Variants in DCLK2 observed in about 807,000 individuals in gnomAD.
DCLK2 encodes serine/threonine-protein kinase DCLK2.
DCLK2 carries 31 observed loss-of-function variants against 78.4 expected under a neutral mutation model. That is an observed-to-expected ratio of 0.40 (90% confidence interval 0.30 to 0.53). The LOEUF (loss-of-function observed/expected upper bound fraction) is 0.53, where lower values mean the gene tolerates loss of function less well. Ranked by LOEUF, DCLK2 falls within the 20% of genes least tolerant of loss-of-function variation. The probability of loss-of-function intolerance (pLI) is 0.61; values close to 1 mark genes in which losing one functional copy is unlikely to be tolerated. For synonymous variants in DCLK2, 407 were observed against 374.9 expected (o/e 1.09, Z -0.99); for missense variants, 872 against 973.7 (o/e 0.90, Z 1.39).
intron 2 of DCLK2, among the ~76,000 whole-genome samples, chr4:150,114,273 T>C (rs1009561625): frequency 2.0e-5 from 3 of 152,152 alleles, no homozygotes; most frequent in African/African-American, 7.2e-5. Flanking sequence ...TGTTCTAGAG[T>C]GTAGCTTAAA....
rs1560901703 is a variant in DCLK2 at position 150,240,382 on chromosome 4, C to T, written c.1701-17C>T. 1.2e-6 allele frequency: 2 copies of T among 1,613,202 alleles called. No individual in the cohort carries two copies. Among genetic ancestry groups the T allele is most frequent in the Non-Finnish European group, 1.7e-6 (2 of 1,179,324 alleles). On this transcript the variant is annotated splice_polypyrimidine_tract_variant and intron_variant, in intron 11 of 15. Coordinates refer to ENST00000296550, the MANE Select transcript of DCLK2 (RefSeq NM_001040260.4). ...GAGCCATCAGTTCTCTCCCCCTCAC[C>T]CACTTTGTTTTCCTAGCTATGGCCT...
At position 150,221,533 on chromosome 4, in the gene DCLK2, T is replaced by C. The variant is rs1741188204; in HGVS notation, c.1133-144T>C. Reference sequence around the variant, plus strand: ...GGAAATTGGTGATTCAGGTGTTCTATTCAGGAAATGTGTGCAGATATTTTA... The same window carrying C: ...GGAAATTGGTGATTCAGGTGTTCTACTCAGGAAATGTGTGCAGATATTTTA... On this transcript the variant is annotated intron_variant, in intron 6 of 15. Transcript: ENST00000296550. 5 of 533,168 alleles carry C rather than the reference T, an allele frequency of 9.4e-6. No individual in the cohort carries two copies. The Admixed American group carries it at 2.1e-4, about 22-fold the overall frequency. 33.0% of individuals were successfully genotyped at this position (533,168 alleles called of 1,614,324 possible).
chr4:150,240,575 T>A, intron 12 of DCLK2, 99 bp downstream of exon 12: 1 of 637,182 alleles, frequency 1.6e-6, no homozygotes. Flanking sequence ...GTTTGGTCAT[T>A]AAAAATGCCA....
chr4:150,253,088 ATCCTCCTCG>A (rs1237273335), intron 15 of DCLK2, among the ~76,000 whole-genome samples: 1 of 146,626 alleles, frequency 6.8e-6, no homozygotes, highest in Non-Finnish European at 1.5e-5. Context: ...CGTCCTCCTC[ATCCTCCTCG>A]TCCTCCTCAT....
At chr4:150,221,258 G>C (rs192272075) in intron 6 of DCLK2, among the ~76,000 whole-genome samples, 264 of 151,426 alleles carry the variant, frequency 1.7e-3, no homozygotes, top group African/African-American at 5.9e-3. Flanking sequence ...AAATGTTGAA[G>C]AGAAATCTTG....
Position 150,089,397 on chromosome 4 carries a change from A to G in DCLK2, c.421+9949A>G, listed in dbSNP as rs528304933. Among the ~76,000 whole-genome samples, 3 of 152,320 alleles carry G rather than the reference A, an allele frequency of 2.0e-5. No homozygotes were observed. The East Asian group carries it at 5.8e-4, about 29-fold the overall frequency. On this transcript the variant is annotated intron_variant, in intron 1 of 15. Coordinates refer to ENST00000296550, the MANE Select transcript of DCLK2 (RefSeq NM_001040260.4). ...CAGAAGCTGAGGAAACTTTTGAGGA[A>G]AGTTTTGCCTCTATTTAAATGCACC...
chr4:150,141,158 A>C (rs1326701990), intron 2 of DCLK2, among the ~76,000 whole-genome samples: 1 of 152,340 alleles, frequency 6.6e-6, no homozygotes, highest in Non-Finnish European at 1.5e-5. Flanking sequence ...AATTCTTAAC[A>C]CTAGGCAATA....
chr4:150,186,047 G>A (rs956423158), intron 2 of DCLK2, among the ~76,000 whole-genome samples: 5 of 151,992 alleles, frequency 3.3e-5, no homozygotes, highest in Non-Finnish European at 7.4e-5. Context: ...CTTTCCCCTC[G>A]TTTGTATAGC....
intron 7 of DCLK2, 124 bp downstream of exon 7, chr4:150,221,909 C>T (rs1298555151): frequency 1.8e-6 from 1 of 571,394 alleles, no homozygotes; most frequent in Non-Finnish European, 2.9e-6. Flanking sequence ...TCTGGAAAGT[C>T]TCTTTCATTT....
chr4:150,150,498 TAAG>T lies in DCLK2; in HGVS notation c.757-42639_757-42637del, dbSNP rs978746479. Among the ~76,000 whole-genome samples, 117 of 152,258 alleles carry T rather than the reference TAAG, an allele frequency of 7.7e-4. 1 individual carries two copies. Among genetic ancestry groups the T allele is most frequent in the Middle Eastern group, 3.4e-3 (1 of 294 alleles). On this transcript the variant is annotated intron_variant, in intron 2 of 15. Coordinates refer to ENST00000296550, the MANE Select transcript of DCLK2 (RefSeq NM_001040260.4). The stretch of plus-strand genomic sequence containing the variant: ...TTACTAAAAAATAATTTTTATAAAA[TAAG>T]GAGAAAAATAAAAATAAAACCTATT...
intron 8 of DCLK2, among the ~76,000 whole-genome samples, chr4:150,226,834 T>C (rs1262082615): frequency 1.3e-5 from 2 of 152,210 alleles, no homozygotes; most frequent in African/African-American, 2.4e-5. Context: ...TAAGTTGATT[T>C]TTCCCATTAC....
intron 15 of DCLK2, among the ~76,000 whole-genome samples, chr4:150,253,069 TGTCCTCCTC>T (rs1373676776): frequency 6.6e-6 from 1 of 151,126 alleles, no homozygotes; most frequent in Non-Finnish European, 1.5e-5. Context: ...GCTGCTGTAT[TGTCCTCCTC>T]GTCCTCCTCA....
intron 2 of DCLK2, among the ~76,000 whole-genome samples, chr4:150,179,243 T>G (rs1052133912): frequency 6.6e-5 from 10 of 152,174 alleles, no homozygotes; most frequent in African/African-American, 2.4e-4. Context: ...TTAGCCAGGA[T>G]GGTCTCGATC....
At chr4:150,157,247 T>A (rs1406408234) in intron 2 of DCLK2, among the ~76,000 whole-genome samples, 1 of 151,830 alleles carries the variant, frequency 6.6e-6, no homozygotes, top group Non-Finnish European at 1.5e-5. Flanking sequence ...AAAATCTTTT[T>A]AAAATTTTTT....
intron 4 of DCLK2, chr4:150,199,174 T>C (rs910792751): frequency 5.4e-6 from 6 of 1,116,578 alleles, no homozygotes; most frequent in Middle Eastern, 3.9e-4. Flanking sequence ...TCCATGAATG[T>C]ATCTGGCTTA....
chr4:150,086,509 T>A (rs1005014237), intron 1 of DCLK2, among the ~76,000 whole-genome samples: 9 of 56,242 alleles, frequency 1.6e-4, no homozygotes, highest in South Asian at 3.9e-4. Flanking sequence ...TCTTTTTATT[T>A]TTTTTTTTTT....
intron 10 of DCLK2, among the ~76,000 whole-genome samples, chr4:150,234,133 A>G (rs1236467770): frequency 2.0e-5 from 3 of 152,182 alleles, no homozygotes; most frequent in Admixed American, 6.5e-5. Context: ...GCTTCTGTCC[A>G]TACTGGTCTT....
chr4:150,125,999 C>T (rs1732897700), intron 2 of DCLK2, among the ~76,000 whole-genome samples: 2 of 152,100 alleles, frequency 1.3e-5, no homozygotes, highest in African/African-American at 4.8e-5. Flanking sequence ...TTGTGAATGA[C>T]TTTTCTTTCT....
At chr4:150,081,829 T>C (rs1702180613) in intron 1 of DCLK2, among the ~76,000 whole-genome samples, 2 of 53,410 alleles carry the variant, frequency 3.7e-5, no homozygotes, top group South Asian at 3.7e-4. Context: ...CCATCTCTAC[T>C]TAAAAAAAAA....
Sources: allele counts gnomAD v4.1 joint callset (sites outside exome capture counted in the v4.1 genomes callset), GRCh38; gene constraint gnomAD v4.1.1; transcripts MANE v1.5; gene names NCBI Gene and HGNC (gene_info 2026-07-23, HGNC 2026-07-21).